Variants in SESN3 observed in about 807,000 individuals in gnomAD.
The protein encoded by SESN3 is sestrin-3.
In SESN3, 21 loss-of-function variants were observed where a neutral mutation model predicts 55.3. The ratio of observed to expected loss-of-function variants is 0.38; its 90% CI spans 0.27 to 0.55. The LOEUF is 0.55. SESN3 is among the 20% of genes least tolerant of loss of function. SESN3 has a pLI of 0.76. For missense variants in SESN3, 408 were observed against 604.3 expected, an observed-to-expected ratio of 0.68 and a Z score of 3.41; for synonymous variants, 181 against 203.1, an observed-to-expected ratio of 0.89 and a Z score of 0.93.
rs540277471 is a variant in SESN3 at position 95,169,590 on chromosome 11, T to C, written c.*3665A>G. On this transcript the variant is annotated 3_prime_UTR_variant, in exon 10 of 10. Coordinates refer to ENST00000536441, the MANE Select transcript of SESN3 (RefSeq NM_144665.4). ...CCTTATTTTGCTAACACAGTGCAAA[T>C]CATTTTTATAATATGCACTGAAATT... is the stretch of plus-strand genomic sequence containing the variant. 1 of 152,304 alleles carries C rather than the reference T, an allele frequency of 6.6e-6. No individual in the cohort carries two copies. The highest frequency in any genetic ancestry group is 1.5e-5 in the Non-Finnish European group (1 of 68,006). 9.4% of individuals were successfully genotyped at this position (152,304 alleles called of 1,614,324 possible).
Position 95,173,251 on chromosome 11 carries a change from T to C in SESN3, c.*4A>G, listed in dbSNP as rs761749019. 12 of 1,553,424 alleles carry C rather than the reference T, an allele frequency of 7.7e-6. No homozygotes were observed. The highest frequency in any genetic ancestry group is 2.3e-5 in the East Asian group (1 of 44,298). The stretch of plus-strand genomic sequence containing the variant: ...CATGTATGACATTTTCCTTGGGTGA[T>C]ACTTCAGGTCAAATGCCGAGTTATG... On this transcript the variant is annotated 3_prime_UTR_variant, in exon 10 of 10. Coordinates refer to ENST00000536441, the MANE Select transcript of SESN3 (RefSeq NM_144665.4).
At chr11:95,229,232 A>C (rs1428902381) in intron 1 of SESN3, among the ~76,000 whole-genome samples, 1 of 152,236 alleles carries the variant, frequency 6.6e-6, no homozygotes, top group Non-Finnish European at 1.5e-5. Context: ...AGTTCAGATG[A>C]CATCTGGCCC....
At position 95,170,978 on chromosome 11, in the gene SESN3, T is replaced by C. The variant is rs1024181855; in HGVS notation, c.*2277A>G. The C allele has an allele frequency of 2.6e-5, 4 of 152,202 alleles. No homozygotes were observed. Among genetic ancestry groups the C allele is most frequent in the African/African-American group, 9.6e-5 (4 of 41,468 alleles). The allele number at this position is 152,202 out of a possible 1,614,324, so 9.4% of individuals were successfully genotyped here. On this transcript the variant is annotated 3_prime_UTR_variant, in exon 10 of 10. Transcript: ENST00000536441. ...ACACAAACTAAGTGGCCATTTTAGTTACTTAAACCTTGTTTCCCCTTTTGG... is the reference window on the plus strand; with the variant it reads ...ACACAAACTAAGTGGCCATTTTAGTCACTTAAACCTTGTTTCCCCTTTTGG...
chr11:95,180,174 CAT>C (rs1317643339), intron 6 of SESN3, among the ~76,000 whole-genome samples: 1 of 152,018 alleles, frequency 6.6e-6, no homozygotes, highest in Non-Finnish European at 1.5e-5. Context: ...TATTAAATGT[CAT>C]ATTTCATAAA....
chr11:95,206,659 CTT>C (rs944578995), intron 1 of SESN3, among the ~76,000 whole-genome samples: 1 of 151,940 alleles, frequency 6.6e-6, no homozygotes, highest in African/African-American at 2.4e-5. Flanking sequence ...TGTTCTTTAT[CTT>C]TCTTTTTTAA....
intron 1 of SESN3, among the ~76,000 whole-genome samples, chr11:95,213,491 T>G (rs2134258177): frequency 6.6e-6 from 1 of 152,292 alleles, no homozygotes; most frequent in Middle Eastern, 3.4e-3. Context: ...GAAAGCTAGG[T>G]GAACAAGCAG....
At chr11:95,189,218 G>A (rs572171436) in intron 4 of SESN3, among the ~76,000 whole-genome samples, 2 of 151,900 alleles carry the variant, frequency 1.3e-5, no homozygotes, top group East Asian at 1.9e-4. Flanking sequence ...TGATGGAAGC[G>A]CCTTCAGAAA....
intron 1 of SESN3, among the ~76,000 whole-genome samples, chr11:95,193,838 T>C (rs956476723): frequency 6.6e-6 from 1 of 151,916 alleles, no homozygotes; most frequent in Non-Finnish European, 1.5e-5. Flanking sequence ...CATAATAAAA[T>C]AGTGTTTTAT....
rs1859984000 is a variant in SESN3 at position 95,177,717 on chromosome 11, A to G, written c.1247+2T>C. On this transcript the variant is annotated splice_donor_variant, in intron 8 of 9. Coordinates refer to ENST00000536441, the MANE Select transcript of SESN3 (RefSeq NM_144665.4). LOFTEE classifies it high-confidence loss of function. Reference sequence around the variant, plus strand: ...AAAAAACTGTCTCTACAATGAACATACCTGATTCCAAACATACAGTGAACA... The same window carrying G: ...AAAAAACTGTCTCTACAATGAACATGCCTGATTCCAAACATACAGTGAACA... 2 of 1,601,178 alleles carry G rather than the reference A, an allele frequency of 1.2e-6. No homozygotes were observed. The highest frequency in any genetic ancestry group is 1.7e-6 in the Non-Finnish European group (2 of 1,175,060).
chr11:95,196,670 A>G (rs1277272159), intron 1 of SESN3, among the ~76,000 whole-genome samples: 1 of 152,206 alleles, frequency 6.6e-6, no homozygotes, highest in Non-Finnish European at 1.5e-5. Flanking sequence ...AAATAAAGTT[A>G]AAAACACAGT....
In SESN3 at chr11:95,229,133, T is replaced by C. The variant is rs114664498; in HGVS notation, c.78+1650A>G. On this transcript the variant is annotated intron_variant, in intron 1 of 9. Coordinates refer to ENST00000536441, the MANE Select transcript of SESN3 (RefSeq NM_144665.4). ...CTGTCATTTTAACCAGGCTGCACTT[T>C]AATCAAACATGTCTTAAATGACACA... is the stretch of plus-strand genomic sequence containing the variant. Among the ~76,000 whole-genome samples, 167 of 152,372 alleles carry C rather than the reference T, an allele frequency of 1.1e-3. 1 individual carries two copies. The highest frequency in any genetic ancestry group is 3.9e-3 in the African/African-American group (162 of 41,590).
chr11:95,179,390 G>A (rs565529350), intron 6 of SESN3, among the ~76,000 whole-genome samples: 43 of 151,928 alleles, frequency 2.8e-4, no homozygotes, highest in Non-Finnish European at 5.1e-4. Context: ...TCCTGACCTC[G>A]TGATCCACCC....
intron 7 of SESN3, 100 bp downstream of exon 7, chr11:95,178,610 T>A: frequency 1.4e-6 from 1 of 740,204 alleles, no homozygotes; most frequent in South Asian, 1.6e-5. Flanking sequence ...GATTTATAGA[T>A]TCTATCAAAA....
chr11:95,231,418 G>C, upstream of SESN3: 2 of 334,428 alleles, frequency 6.0e-6, no homozygotes, highest in Middle Eastern at 8.2e-4. Context: ...CGGAACTGAA[G>C]GGAGGTGGCG....
chr11:95,191,679 T>G lies in SESN3; in HGVS notation c.145-78A>C, dbSNP rs1213781260. The G allele has an allele frequency of 7.0e-6, 7 of 1,002,040 alleles. No homozygotes were observed. In the African/African-American group the frequency reaches 9.7e-5, roughly 14 times the overall value. 62.1% of individuals were successfully genotyped at this position (1,002,040 alleles called of 1,614,324 possible). ...TTGGTTTAAATAAATTATGCCACTA[T>G]TGAAGCAAATGAATATTCATTTGAT... On this transcript the variant is annotated intron_variant, in intron 2 of 9. Transcript: ENST00000536441.
chr11:95,185,745 A>T (rs1460849188), intron 4 of SESN3, among the ~76,000 whole-genome samples: 3 of 151,972 alleles, frequency 2.0e-5, no homozygotes, highest in Non-Finnish European at 4.4e-5. Context: ...CTTCCAAATC[A>T]TTTTTTATAT....
chr11:95,189,052 A>T (rs1860217605), intron 4 of SESN3, among the ~76,000 whole-genome samples: 1 of 151,958 alleles, frequency 6.6e-6, no homozygotes, highest in Non-Finnish European at 1.5e-5. Flanking sequence ...AAGAGGATCC[A>T]AAAACCAAGG....
chr11:95,227,906 C>G (rs993346392), intron 1 of SESN3, among the ~76,000 whole-genome samples: 7 of 152,126 alleles, frequency 4.6e-5, no homozygotes, highest in African/African-American at 1.7e-4. Context: ...TAAATAGAAG[C>G]ATTTCCTCTT....
rs535804415 is a variant in SESN3, at chr11:95,214,761, A to C, written c.78+16022T>G. Reference sequence around the variant, plus strand: ...TTTCTTTATGAAAGCTTAAAATATCAATCTTCCTTGAAATAAAAATAATCT... The same window carrying C: ...TTTCTTTATGAAAGCTTAAAATATCCATCTTCCTTGAAATAAAAATAATCT... On this transcript the variant is annotated intron_variant, in intron 1 of 9. Transcript: ENST00000536441. Among the ~76,000 whole-genome samples the C allele has an allele frequency of 7.9e-5, 12 of 152,314 alleles. No homozygotes were observed. In the South Asian group the frequency reaches 2.5e-3, roughly 32 times the overall value.
Sources: gnomAD v4.1 joint callset for allele counts (sites outside exome capture counted in the v4.1 genomes callset) on GRCh38, gnomAD v4.1.1 for gene constraint, MANE v1.5 for transcripts, NCBI Gene and HGNC (gene_info 2026-07-23, HGNC 2026-07-21) for gene names.